The following PEX16 variants were observed in gnomAD, a reference collection of about 807,000 sequenced individuals.
PEX16 encodes peroxisomal biogenesis factor 16.
A neutral mutation model predicts 50.5 loss-of-function variants in PEX16; 37 were observed. The ratio of observed to expected loss-of-function variants is 0.73; its 90% confidence interval spans 0.56 to 0.96. The LOEUF is 0.96. Among genes scored for constraint, PEX16 ranks in the 40% least tolerant of loss-of-function variants. The probability of loss-of-function intolerance (pLI) is 0.00; values close to 1 mark genes in which losing one functional copy is unlikely to be tolerated. For missense variants in PEX16, 401 were observed against 438.3 expected (o/e 0.91, Z 0.76); for synonymous variants, 185 against 190.3 (o/e 0.97, Z 0.23).
chr11:45,910,847 C>T (rs1473415292), intron 10 of PEX16, 51 bp downstream of exon 10: 2 of 1,442,016 alleles, frequency 1.4e-6, no homozygotes, highest in Admixed American at 1.7e-5. Context: ...GAGGTGCTTG[C>T]ATGCATGCGC....
Position 45,916,282 on chromosome 11 carries a change from A to T in PEX16, c.170T>A (p.Leu57His). ...SELVYSASNL[L>H]VLLNDGILRK... ...TAGGATCCCGTCATTGAGCAGCACA[A>T]GCAGGTTAGAGGCAGAGTACACTGA... is the stretch of plus-strand genomic sequence containing the variant. Residue 57 changes from leucine (L) to histidine (H), a missense_variant, in exon 3 of 11, where the codon CTT (leucine) becomes CAT (histidine). Transcript: ENST00000378750. 6.2e-7 allele frequency: 1 copy of T among 1,614,012 alleles called. No individual in the cohort carries two copies.
At chr11:45,917,198 A>G in intron 2 of PEX16, 1 of 696,886 alleles carries the variant, frequency 1.4e-6, no homozygotes, top group South Asian at 1.5e-5. Flanking sequence ...GGGAGGATTA[A>G]CAAGTAAAGG....
At chr11:45,911,640 G>A (rs773081448) in intron 9 of PEX16, among the ~76,000 whole-genome samples, 1 of 152,224 alleles carries the variant, frequency 6.6e-6, no homozygotes, top group Non-Finnish European at 1.5e-5. Context: ...GTGAGGAAAT[G>A]AGGCACAGGC....
intron 1 of PEX16, 34 bp downstream of exon 1, chr11:45,917,666 C>T (rs955859200): frequency 7.2e-6 from 11 of 1,523,322 alleles, no homozygotes; most frequent in Non-Finnish European, 9.8e-6. Flanking sequence ...TAGGTCAGGG[C>T]CCAGAAGGAA....
At chr11:45,911,963 G>A (rs2086782937) in intron 9 of PEX16, 1 of 152,584 alleles carries the variant, frequency 6.6e-6, no homozygotes, top group Non-Finnish European at 1.5e-5. Flanking sequence ...GGCAGAGGTT[G>A]CGGTGAGCCG....
chr11:45,915,407 T>C, intron 5 of PEX16, 61 bp downstream of exon 5: 1 of 1,280,688 alleles, frequency 7.8e-7, no homozygotes, highest in South Asian at 1.2e-5. Context: ...GCTGGTTGGA[T>C]CTAAATCCTC....
At chr11:45,911,702 T>C (rs1483384489) in intron 9 of PEX16, among the ~76,000 whole-genome samples, 1 of 152,126 alleles carries the variant, frequency 6.6e-6, no homozygotes, top group Non-Finnish European at 1.5e-5. Context: ...CCTGACTCCT[T>C]ATATGTCTGT....
chr11:45,914,016 G>C, intron 8 of PEX16, 78 bp from the exon 9 acceptor site: 1 of 1,596,472 alleles, frequency 6.3e-7, no homozygotes, highest in Non-Finnish European at 8.5e-7. Context: ...TGGGCTGGGT[G>C]TCCAGAGGGG....
chr11:45,910,871 A>C, intron 10 of PEX16, 27 bp downstream of exon 10: 1 of 1,606,042 alleles, frequency 6.2e-7, no homozygotes. Flanking sequence ...CCAGCACTAC[A>C]GTCATCGCGT....
intron 9 of PEX16, among the ~76,000 whole-genome samples, chr11:45,912,369 G>T (rs2086787875): frequency 6.6e-6 from 1 of 151,654 alleles, no homozygotes; most frequent in African/African-American, 2.4e-5. Context: ...GCATGGTAAT[G>T]GGCGCCTATA....
upstream of PEX16, chr11:45,917,967 CCACCCTTCA>C: frequency 1.4e-6 from 1 of 695,516 alleles, no homozygotes; most frequent in South Asian, 1.5e-5. Context: ...AACCGGTGAA[CCACCCTTCA>C]CCCCATCTCT....
chr11:45,913,983 G>C, intron 8 of PEX16, 45 bp from the exon 9 acceptor site: 1 of 1,609,470 alleles, frequency 6.2e-7, no homozygotes, highest in Non-Finnish European at 8.5e-7. Context: ...GCATGATCTA[G>C]GCCCACGGAA....
chr11:45,917,674 G>C, intron 1 of PEX16, 26 bp downstream of exon 1: 1 of 1,532,124 alleles, frequency 6.5e-7, no homozygotes, highest in Admixed American at 2.0e-5. Flanking sequence ...GGCCCAGAAG[G>C]AACTGATCAA....
upstream of PEX16, chr11:45,918,086 C>A (rs2086859736): frequency 3.8e-6 from 2 of 521,086 alleles, no homozygotes; most frequent in East Asian, 6.9e-5. Flanking sequence ...GCCCCTGACC[C>A]GCCCAGCGCC....
chr11:45,910,781 G>T, intron 10 of PEX16, 117 bp downstream of exon 10: 1 of 1,069,552 alleles, frequency 9.3e-7, no homozygotes, highest in South Asian at 1.3e-5. Flanking sequence ...CTGACTTCCC[G>T]ACTTCCTCTC....
rs1374153913 is a variant in PEX16 at position 45,909,950 on chromosome 11, C to T, written c.*304G>A. On this transcript the variant is annotated 3_prime_UTR_variant, in exon 11 of 11. Coordinates refer to ENST00000378750, the MANE Select transcript of PEX16 (RefSeq NM_004813.4). ...GTGTTCGCTCCTATGGCTGCCGAGG[C>T]GAGCAGCTTCCCGGGCTCCATGAGG... The T allele has an allele frequency of 7.7e-6, 6 of 778,644 alleles. No homozygotes were observed. The highest frequency in any genetic ancestry group is 2.6e-5 in the East Asian group (1 of 38,932). The allele number at this position is 778,644 out of a possible 1,614,324, so 48.2% of individuals were successfully genotyped here. A position where few individuals can be genotyped will look rare whatever the true frequency, so the allele number is the denominator to read the frequency against.
At chr11:45,916,038 G>A (rs920908364) in intron 3 of PEX16, among the ~76,000 whole-genome samples, 189 bp downstream of exon 3, 2 of 152,014 alleles carry the variant, frequency 1.3e-5, no homozygotes, top group Non-Finnish European at 2.9e-5. Flanking sequence ...CTCTTCACCT[G>A]AGACAGTCTC....
chr11:45,918,644 A>G (rs945730863), upstream of PEX16: 2 of 152,210 alleles, frequency 1.3e-5, no homozygotes, highest in African/African-American at 4.8e-5. Flanking sequence ...CCCGATCTGT[A>G]AAATGGTTTG....
At chr11:45,910,428 G>GCC in intron 10 of PEX16, 116 bp from the exon 11 acceptor site, 2 of 838,258 alleles carry the variant, frequency 2.4e-6, no homozygotes, top group Non-Finnish European at 2.0e-6. Context: ...GTCTTGCCCT[G>GCC]CCCCCAGGAG....
Sources: allele counts gnomAD v4.1 joint callset (sites outside exome capture counted in the v4.1 genomes callset), GRCh38; gene constraint gnomAD v4.1.1; transcripts MANE v1.5; gene names NCBI Gene and HGNC (gene_info 2026-07-23, HGNC 2026-07-21).